SRD5A2: variants seen among roughly 807,000 people sequenced by gnomAD.
SRD5A2 encodes the protein 3-oxo-5-alpha-steroid 4-dehydrogenase 2.
In SRD5A2, 30 loss-of-function variants were observed where a neutral mutation model predicts 27.4. The ratio of observed to expected loss-of-function variants is 1.10; its 90% CI spans 0.82 to 1.49. The LOEUF (loss-of-function observed/expected upper bound fraction) is 1.49, where lower values mean the gene tolerates loss of function less well. Ranked by LOEUF, SRD5A2 falls within the 40% of genes most tolerant of loss-of-function variation. The pLI is 0.00. For synonymous variants in SRD5A2, 141 were observed against 133.6 expected, an observed-to-expected ratio of 1.06 and a Z score of -0.38; for missense variants, 348 against 323.4, an observed-to-expected ratio of 1.08 and a Z score of -0.58.
At chr2:31,627,256 C>T in the SRD5A2 span, among the ~76,000 whole-genome samples, 4 of 151,786 alleles carry the variant, frequency 2.6e-5, no homozygotes, top group South Asian at 8.3e-4. Context: ...GTGCATAGTG[C>T]TGTTTATAAT....
intron 1 of SRD5A2, among the ~76,000 whole-genome samples, chr2:31,565,911 T>C (rs944896064): frequency 6.6e-6 from 1 of 152,060 alleles, no homozygotes; most frequent in Non-Finnish European, 1.5e-5. Context: ...ATTCTTTTCA[T>C]GTTTACACAG....
At chr2:31,633,520 C>G in the SRD5A2 span, among the ~76,000 whole-genome samples, 1 of 152,160 alleles carries the variant, frequency 6.6e-6, no homozygotes, top group Non-Finnish European at 1.5e-5. Flanking sequence ...AACTATAAAT[C>G]ATTCTTCAAA....
At chr2:31,595,143 T>C in the SRD5A2 span, among the ~76,000 whole-genome samples, 2 of 151,264 alleles carry the variant, frequency 1.3e-5, no homozygotes, top group African/African-American at 4.9e-5. Flanking sequence ...AGCTCACACC[T>C]CAAAAAGCTA....
chr2:31,618,302 A>G, the SRD5A2 span, among the ~76,000 whole-genome samples: 1 of 152,164 alleles, frequency 6.6e-6, no homozygotes, highest in Non-Finnish European at 1.5e-5. Context: ...TCAAGGTGAG[A>G]TTTGGGTGGG....
At chr2:31,630,282 C>G in the SRD5A2 span, among the ~76,000 whole-genome samples, 1 of 149,872 alleles carries the variant, frequency 6.7e-6, no homozygotes, top group Non-Finnish European at 1.5e-5. Context: ...TTGAGTAAGT[C>G]AAGGAGGGAA....
At chr2:31,565,757 G>T (rs1468908494) in intron 1 of SRD5A2, among the ~76,000 whole-genome samples, 1 of 151,866 alleles carries the variant, frequency 6.6e-6, no homozygotes, top group Non-Finnish European at 1.5e-5. Context: ...CTACAATTTT[G>T]ATCAGATATC....
chr2:31,598,401 C>T, the SRD5A2 span, among the ~76,000 whole-genome samples: 3 of 151,688 alleles, frequency 2.0e-5, no homozygotes, highest in Admixed American at 6.6e-5. Context: ...CATTAAAGAA[C>T]TTATCCATGT....
At chr2:31,655,756 G>A in the SRD5A2 span, among the ~76,000 whole-genome samples, 1 of 152,100 alleles carries the variant, frequency 6.6e-6, no homozygotes, top group East Asian at 1.9e-4. Context: ...CCATGCTTTA[G>A]AAGAATAAAT....
chr2:31,593,536 T>C, the SRD5A2 span, among the ~76,000 whole-genome samples: 1 of 152,188 alleles, frequency 6.6e-6, no homozygotes, highest in Non-Finnish European at 1.5e-5. Flanking sequence ...CAAGAAATTT[T>C]AGATTTGTTA....
chr2:31,606,877 A>G, the SRD5A2 span, among the ~76,000 whole-genome samples: 2 of 151,970 alleles, frequency 1.3e-5, no homozygotes, highest in African/African-American at 2.4e-5. Context: ...TGGAGGCTAG[A>G]GGTCTGAGAT....
At chr2:31,584,758 GA>G (rs1667148013), upstream of SRD5A2, among the ~76,000 whole-genome samples, 1 of 152,206 alleles carries the variant, frequency 6.6e-6, no homozygotes, top group Non-Finnish European at 1.5e-5. Flanking sequence ...TGGTGGAATA[GA>G]AGGCTCCACT....
upstream of SRD5A2, among the ~76,000 whole-genome samples, chr2:31,583,571 A>G (rs927780006): frequency 7.1e-6 from 1 of 141,174 alleles, no homozygotes; most frequent in African/African-American, 2.6e-5. Flanking sequence ...GATTATCAGC[A>G]TATCAGGATC....
the SRD5A2 span, among the ~76,000 whole-genome samples, chr2:31,644,941 G>T: frequency 1.3e-5 from 2 of 152,054 alleles, no homozygotes; most frequent in Non-Finnish European, 2.9e-5. Flanking sequence ...AAACCCAAAG[G>T]CAAGCTTATT....
intron 1 of SRD5A2, among the ~76,000 whole-genome samples, chr2:31,550,862 C>T (rs923124753): frequency 9.2e-5 from 14 of 151,686 alleles, no homozygotes; most frequent in African/African-American, 2.7e-4. Flanking sequence ...CAACAACATG[C>T]TAGAAATTCT....
chr2:31,592,586 AC>A, the SRD5A2 span, among the ~76,000 whole-genome samples: 1 of 152,176 alleles, frequency 6.6e-6, no homozygotes, highest in African/African-American at 2.4e-5. Context: ...GGGTGGCTAG[AC>A]CCAGAAAGGC....
At chr2:31,574,618 C>G (rs112459420) in intron 1 of SRD5A2, among the ~76,000 whole-genome samples, 1 of 152,208 alleles carries the variant, frequency 6.6e-6, no homozygotes, top group African/African-American at 2.4e-5. Context: ...AAGACTCCTA[C>G]TATTTTCCCA....
chr2:31,554,862 G>A (rs1042463897), intron 1 of SRD5A2, among the ~76,000 whole-genome samples: 1 of 151,292 alleles, frequency 6.6e-6, no homozygotes, highest in African/African-American at 2.4e-5. Flanking sequence ...TGTTCATGTA[G>A]GCTTATTCTG....
the SRD5A2 span, among the ~76,000 whole-genome samples, chr2:31,653,159 C>T: frequency 1.3e-5 from 2 of 152,120 alleles, no homozygotes; most frequent in African/African-American, 4.8e-5. Flanking sequence ...CCAGCCAATA[C>T]CTCTTCAGAA....
chr2:31,541,878 G>A (rs569944425), intron 1 of SRD5A2, among the ~76,000 whole-genome samples: 1 of 152,288 alleles, frequency 6.6e-6, no homozygotes, highest in African/African-American at 2.4e-5. Flanking sequence ...AACACACACA[G>A]GGAGCATATA....
Sources: allele counts gnomAD v4.1 joint callset (sites outside exome capture counted in the v4.1 genomes callset), GRCh38; gene constraint gnomAD v4.1.1; transcripts MANE v1.5; gene names NCBI Gene and HGNC (gene_info 2026-07-23, HGNC 2026-07-21).